Variants in COL5A1 observed in about 807,000 individuals in gnomAD.
COL5A1 encodes the protein collagen alpha-1(V) chain.
In COL5A1, 16 loss-of-function variants were observed where a neutral mutation model predicts 263.7. That is an observed-to-expected ratio of 0.06 (90% CI 0.04 to 0.09). The LOEUF (loss-of-function observed/expected upper bound fraction) is 0.09, where lower values mean the gene tolerates loss of function less well. Ranked by LOEUF, COL5A1 falls within the 10% of genes least tolerant of loss-of-function variation. COL5A1 has a pLI of 1.00. For missense variants in COL5A1, 2,036 were observed against 2,540.5 expected, an observed-to-expected ratio of 0.80 and a Z score of 4.27; for synonymous variants, 1,012 against 1,004.5, an observed-to-expected ratio of 1.01 and a Z score of -0.14.
intron 1 of COL5A1, among the ~76,000 whole-genome samples, chr9:134,684,726 T>A (rs1400821902): frequency 2.6e-5 from 4 of 152,210 alleles, no homozygotes; most frequent in Admixed American, 1.3e-4. Context: ...GAAATGCCTG[T>A]TGGGGACAGA....
chr9:134,759,788 TGCACACACACCACACATGCACACAC>T (rs1836218457), intron 18 of COL5A1, among the ~76,000 whole-genome samples: 1 of 69,716 alleles, frequency 1.4e-5, no homozygotes, highest in Non-Finnish European at 2.8e-5. Flanking sequence ...CATACACACA[TGCACACACACCACACATGCACACAC>T]GCATACACAC....
chr9:134,822,866 A>C, intron 59 of COL5A1, 132 bp from the exon 60 acceptor site: 2 of 1,039,670 alleles, frequency 1.9e-6, no homozygotes, highest in Non-Finnish European at 2.9e-6. Flanking sequence ...GGGCAAATAC[A>C]AGCATAGACT....
intron 2 of COL5A1, chr9:134,691,487 TGACATTAA>T: frequency 4.1e-6 from 1 of 246,164 alleles, no homozygotes. Flanking sequence ...CCAGGGGCAG[TGACATTAA>T]GAGACGATGA....
intron 4 of COL5A1, among the ~76,000 whole-genome samples, chr9:134,719,761 C>T (rs1020830672): frequency 5.3e-5 from 8 of 151,994 alleles, no homozygotes; most frequent in African/African-American, 9.7e-5. Context: ...GGTAAGAGGA[C>T]GGAGGATGGG....
In COL5A1 at chr9:134,752,422, G is replaced by GT. The variant is rs199703085; in HGVS notation, c.1663-167_1663-166insT. Among the ~76,000 whole-genome samples, 6 of 104,178 alleles carry GT rather than the reference G, an allele frequency of 5.8e-5. No individual in the cohort carries two copies. In the East Asian group the frequency reaches 1.0e-3, roughly 17 times the overall value. 68.3% of individuals were successfully genotyped at this position (104,178 alleles called of 152,430 possible). ...ATGCTGAGAGCCCCATCGAAGTCGG[G>GT]GGGGGGGGGCCCTTGGGGAGTCATC... On this transcript the variant is annotated intron_variant, in intron 13 of 65. Coordinates refer to ENST00000371817, the MANE Select transcript of COL5A1 (RefSeq NM_000093.5).
intron 24 of COL5A1, among the ~76,000 whole-genome samples, 177 bp from the exon 25 acceptor site, chr9:134,768,233 T>G (rs1039176392): frequency 6.6e-5 from 10 of 152,176 alleles, no homozygotes; most frequent in African/African-American, 2.2e-4. Context: ...TGGAGCCGCC[T>G]CCTCCTGGGC....
Position 134,761,907 on chromosome 9 carries a change from G to A in COL5A1, c.1936-18G>A. 1 of 1,613,122 alleles carries A rather than the reference G, an allele frequency of 6.2e-7. No individual in the cohort carries two copies. Among genetic ancestry groups the A allele is most frequent in the Non-Finnish European group, 8.5e-7 (1 of 1,179,664 alleles). On this transcript the variant is annotated intron_variant, in intron 18 of 65. Transcript: ENST00000371817. The stretch of plus-strand genomic sequence containing the variant: ...GACCTGCTCAGGAGAGGCTGACGTT[G>A]ACCCTTTCACTTCCTAGGGTGACCC...
At chr9:134,740,994 G>A (rs1311626775) in intron 11 of COL5A1, among the ~76,000 whole-genome samples, 1 of 152,212 alleles carries the variant, frequency 6.6e-6, no homozygotes, top group East Asian at 1.9e-4. Flanking sequence ...TCCAGTGAGA[G>A]GGGTGCTGGT....
Position 134,796,642 on chromosome 9 carries a change from C to T in COL5A1, c.2845-206C>T, listed in dbSNP as rs537701894. Among the ~76,000 whole-genome samples, 12 of 152,174 alleles carry T rather than the reference C, an allele frequency of 7.9e-5. No individual in the cohort carries two copies. The South Asian group carries it at 1.2e-3, about 16-fold the overall frequency. The stretch of plus-strand genomic sequence containing the variant: ...CCTGGTCTTGGGGTTTGGGAGTGGC[C>T]GAGATGACAGGAAATGGGTCCTGGG... On this transcript the variant is annotated intron_variant, in intron 35 of 65. Coordinates refer to ENST00000371817, the MANE Select transcript of COL5A1 (RefSeq NM_000093.5).
intron 64 of COL5A1, among the ~76,000 whole-genome samples, chr9:134,833,191 G>T (rs917901262): frequency 2.6e-5 from 4 of 152,230 alleles, no homozygotes; most frequent in African/African-American, 9.6e-5. Flanking sequence ...AGAGATGTGT[G>T]CTTCATTTCG....
At chr9:134,831,701 AGC>A (rs1217752935) in intron 64 of COL5A1, among the ~76,000 whole-genome samples, 2 of 152,194 alleles carry the variant, frequency 1.3e-5, no homozygotes, top group Non-Finnish European at 2.9e-5. Context: ...CTCCAAAAAG[AGC>A]CTCTCACAGC....
At chr9:134,760,963 T>C (rs888189319) in intron 18 of COL5A1, among the ~76,000 whole-genome samples, 9 of 137,412 alleles carry the variant, frequency 6.5e-5, no homozygotes, top group Non-Finnish European at 1.1e-4. Context: ...GCCACACACA[T>C]ACACACATGT....
chr9:134,828,703 A>G (rs2132900262), intron 63 of COL5A1, among the ~76,000 whole-genome samples: 2 of 794 alleles, frequency 2.5e-3, no homozygotes, highest in East Asian at 0.091. Context: ...ACCACATACC[A>G]CACATAGATA....
rs1833659219 is a variant in COL5A1, at chr9:134,701,156, T to C, written c.492-15T>C. On this transcript the variant is annotated splice_polypyrimidine_tract_variant and intron_variant, in intron 3 of 65. Transcript: ENST00000371817. Reference sequence around the variant, plus strand: ...TGTGATCCAAGCCCTGTCTTCACCATCTGTTTCTTTGCAGGTGGCACAGAA... The same window carrying C: ...TGTGATCCAAGCCCTGTCTTCACCACCTGTTTCTTTGCAGGTGGCACAGAA... The C allele has an allele frequency of 6.2e-7, 1 of 1,613,646 alleles. No homozygotes were observed. The highest frequency in any genetic ancestry group is 1.1e-5 in the South Asian group (1 of 91,028).
In COL5A1 at chr9:134,758,536, AGC is replaced by A. The variant is rs1836074711; in HGVS notation, c.1935+241_1935+242del. Among the ~76,000 whole-genome samples, 2 of 152,260 alleles carry A rather than the reference AGC, an allele frequency of 1.3e-5. No individual in the cohort carries two copies. The highest frequency in any genetic ancestry group is 4.8e-5 in the African/African-American group (2 of 41,534). ...TCTTATCTACAGTTTGTGACAAGTG[AGC>A]CAGATGGGCCTACCCACCTGAGGCG... On this transcript the variant is annotated intron_variant, in intron 18 of 65. Transcript: ENST00000371817. The surrounding 1 kb of genome is among the most constrained non-coding windows in gnomAD (Gnocchi z 4.1).
chr9:134,779,349 G>A (rs1458480562), intron 27 of COL5A1, among the ~76,000 whole-genome samples: 2 of 152,250 alleles, frequency 1.3e-5, no homozygotes, highest in Non-Finnish European at 2.9e-5. Flanking sequence ...GAGAGTGTCA[G>A]AGAAATAGTC....
At chr9:134,804,409 C>T (rs968527427) in intron 39 of COL5A1, among the ~76,000 whole-genome samples, 43 of 152,102 alleles carry the variant, frequency 2.8e-4, no homozygotes, top group African/African-American at 9.9e-4. Flanking sequence ...TGAAGAAGTT[C>T]CTTAAGTGAT....
At chr9:134,662,276 C>T (rs539588112) in intron 1 of COL5A1, among the ~76,000 whole-genome samples, 25 of 152,334 alleles carry the variant, frequency 1.6e-4, no homozygotes, top group Non-Finnish European at 2.9e-4. Flanking sequence ...CAGGCAGGGC[C>T]CTGACTTCCA....
rs974120008 is a variant in COL5A1 at position 134,732,444 on chromosome 9, C to CGAGGCG, written c.1389+327_1389+332dup. On this transcript the variant is annotated intron_variant, in intron 9 of 65. Transcript: ENST00000371817. The stretch of plus-strand genomic sequence containing the variant: ...GGGATGAAAAGCAGCTCAGAGCTAT[C>CGAGGCG]GAGGCGGAGGCGGAGTCCCCTTTGA... 9.5e-6 allele frequency: 5 copies of CGAGGCG among 524,138 alleles called. No individual in the cohort carries two copies. The African/African-American group carries it at 9.6e-5, about 10-fold the overall frequency. The allele number at this position is 524,138 out of a possible 1,614,324, so 32.5% of individuals were successfully genotyped here.
Sources: allele counts gnomAD v4.1 joint callset (sites outside exome capture counted in the v4.1 genomes callset), GRCh38; gene constraint gnomAD v4.1.1; non-coding constraint Gnocchi (gnomAD v3.1); transcripts MANE v1.5; gene names NCBI Gene and HGNC (gene_info 2026-07-23, HGNC 2026-07-21).